Variants in GFOD1 observed in about 807,000 individuals in gnomAD.
GFOD1 encodes the protein glucose-fructose oxidoreductase domain-containing protein 1.
A neutral mutation model predicts 25.4 loss-of-function variants in GFOD1; 9 were observed. The observed-to-expected ratio is 0.35, with a 90% confidence interval of 0.21 to 0.62. The LOEUF (loss-of-function observed/expected upper bound fraction) is 0.62. Among genes scored for constraint, GFOD1 ranks in the 20% least tolerant of loss-of-function variants. The probability of loss-of-function intolerance (pLI) is 0.72; values close to 1 mark genes in which losing one functional copy is unlikely to be tolerated. For synonymous variants in GFOD1, 253 were observed against 245.6 expected, an observed-to-expected ratio of 1.03 and a Z score of -0.28; for missense variants, 403 against 556.9, an observed-to-expected ratio of 0.72 and a Z score of 2.78.
At chr6:13,426,103 A>G (rs1430613651) in intron 1 of GFOD1, among the ~76,000 whole-genome samples, 1 of 152,204 alleles carries the variant, frequency 6.6e-6, no homozygotes, top group African/African-American at 2.4e-5. Context: ...AGGGCACACG[A>G]TGCGAGATGC....
chr6:13,428,650 C>T (rs1757688433), intron 1 of GFOD1, among the ~76,000 whole-genome samples: 1 of 151,614 alleles, frequency 6.6e-6, no homozygotes, highest in Non-Finnish European at 1.5e-5. Flanking sequence ...TCTCCAGCTT[C>T]TCTACCCAAA....
chr6:13,459,548 A>G (rs1277645794), intron 1 of GFOD1, among the ~76,000 whole-genome samples: 1 of 152,142 alleles, frequency 6.6e-6, no homozygotes. Flanking sequence ...AGCAAAAGAA[A>G]CTATCATCAG....
At chr6:13,458,674 A>T (rs889364671) in intron 1 of GFOD1, among the ~76,000 whole-genome samples, 1 of 150,664 alleles carries the variant, frequency 6.6e-6, no homozygotes, top group Non-Finnish European at 1.5e-5. Flanking sequence ...TTAGAGGGAC[A>T]AAAATATGCT....
chr6:13,454,216 C>A (rs1052909931), intron 1 of GFOD1, among the ~76,000 whole-genome samples: 1 of 152,162 alleles, frequency 6.6e-6, no homozygotes, highest in East Asian at 1.9e-4. Flanking sequence ...CCCTCACAGC[C>A]CTCAGAAGGA....
intron 1 of GFOD1, among the ~76,000 whole-genome samples, chr6:13,439,769 T>TA (rs1757886165): frequency 6.6e-6 from 1 of 152,220 alleles, no homozygotes; most frequent in Non-Finnish European, 1.5e-5. Flanking sequence ...TTTCAAGTCT[T>TA]AAACAGTGGC....
chr6:13,396,323 AGCTAACAATTGG>A (rs1785729663), intron 1 of GFOD1, among the ~76,000 whole-genome samples: 1 of 152,202 alleles, frequency 6.6e-6, no homozygotes, highest in Non-Finnish European at 1.5e-5. Context: ...AGGTTAACAG[AGCTAACAATTGG>A]GTCAGGATTT....
chr6:13,434,489 A>G (rs1221076967), intron 1 of GFOD1, among the ~76,000 whole-genome samples: 2 of 151,984 alleles, frequency 1.3e-5, no homozygotes, highest in African/African-American at 2.4e-5. Flanking sequence ...TTATGGGAAC[A>G]CAGAAATCAA....
intron 1 of GFOD1, among the ~76,000 whole-genome samples, chr6:13,369,971 A>G (rs1689468104): frequency 6.6e-6 from 1 of 151,984 alleles, no homozygotes; most frequent in African/African-American, 2.4e-5. Context: ...ACATTTTTCC[A>G]TATTTTCTAA....
chr6:13,380,194 C>T (rs779356339), intron 1 of GFOD1, among the ~76,000 whole-genome samples: 2 of 152,176 alleles, frequency 1.3e-5, no homozygotes, highest in African/African-American at 2.4e-5. Flanking sequence ...TCAAAAGCTA[C>T]GTGGGTTCTA....
chr6:13,410,577 G>GGAGAGAGAGAGA (rs10530261), intron 1 of GFOD1, among the ~76,000 whole-genome samples: 2,358 of 127,652 alleles, frequency 0.018, 53 homozygotes, highest in Non-Finnish European at 0.023. Flanking sequence ...AAGAAAGAAA[G>GGAGAGAGAGAGA]GAGAGAGAGA....
At chr6:13,439,082 C>T (rs1050927144) in intron 1 of GFOD1, among the ~76,000 whole-genome samples, 2 of 152,134 alleles carry the variant, frequency 1.3e-5, no homozygotes, top group African/African-American at 4.8e-5. Context: ...CAGGGATTAA[C>T]TGGTCTAGAT....
intron 1 of GFOD1, among the ~76,000 whole-genome samples, chr6:13,431,576 C>T (rs1262294875): frequency 2.0e-5 from 3 of 152,202 alleles, no homozygotes; most frequent in East Asian, 1.9e-4. Context: ...GCCCTTTTAG[C>T]TACAGAGCTT....
intron 1 of GFOD1, among the ~76,000 whole-genome samples, chr6:13,379,178 T>C (rs961579758): frequency 1.8e-4 from 28 of 152,126 alleles, no homozygotes; most frequent in African/African-American, 6.3e-4. Context: ...AGTGCAATAA[T>C]TGAGTGTTTG....
At chr6:13,375,877 T>A (rs1156484693) in intron 1 of GFOD1, among the ~76,000 whole-genome samples, 1 of 152,216 alleles carries the variant, frequency 6.6e-6, no homozygotes, top group Non-Finnish European at 1.5e-5. Flanking sequence ...TGAAACACTT[T>A]CGAATTTCTG....
In GFOD1 at chr6:13,362,389, G is replaced by T. The variant is rs1784960324; in HGVS notation, c.*2354C>A. ...AGACAGGAGAATCGCTTGAACCTGG[G>T]AGGCAGAGGTTGCAGTGAGCTGAGA... On this transcript the variant is annotated 3_prime_UTR_variant, in exon 2 of 2. Coordinates refer to ENST00000379287, the MANE Select transcript of GFOD1 (RefSeq NM_018988.4). 6.6e-6 allele frequency: 1 copy of T among 151,330 alleles called. No homozygotes were observed. 9.4% of individuals were successfully genotyped at this position (151,330 alleles called of 1,614,324 possible). A position where few individuals can be genotyped will look rare whatever the true frequency, so the allele number is the denominator to read the frequency against.
At chr6:13,478,662 G>A (rs568700917) in intron 1 of GFOD1, among the ~76,000 whole-genome samples, 4 of 152,320 alleles carry the variant, frequency 2.6e-5, no homozygotes, top group Non-Finnish European at 5.9e-5. Context: ...AGCTGGGTGC[G>A]GGGGCAGGGC....
rs1784975996 is a variant in GFOD1 at position 13,363,312 on chromosome 6, C to T, written c.*1431G>A. Reference sequence around the variant, plus strand: ...CCAGCCTGCAGTTCAGCATCTCTAACAAAACTCTGTAAGCAGAGTGTGCAA... The same window carrying T: ...CCAGCCTGCAGTTCAGCATCTCTAATAAAACTCTGTAAGCAGAGTGTGCAA... On this transcript the variant is annotated 3_prime_UTR_variant, in exon 2 of 2. Coordinates refer to ENST00000379287, the MANE Select transcript of GFOD1 (RefSeq NM_018988.4). 1 of 152,008 alleles carries T rather than the reference C, an allele frequency of 6.6e-6. No homozygotes were observed. Among genetic ancestry groups the T allele is most frequent in the Non-Finnish European group, 1.5e-5 (1 of 68,022 alleles). 9.4% of individuals were successfully genotyped at this position (152,008 alleles called of 1,614,324 possible). A position where few individuals can be genotyped will look rare whatever the true frequency, so the allele number is the denominator to read the frequency against.
chr6:13,485,532 C>G (rs1758845101), intron 1 of GFOD1, among the ~76,000 whole-genome samples: 1 of 152,016 alleles, frequency 6.6e-6, no homozygotes. Flanking sequence ...TGCTCATTTT[C>G]TTGGAATTGT....
Position 13,430,307 on chromosome 6 carries a change from C to T in GFOD1, c.253+56331G>A, listed in dbSNP as rs1202721208. On this transcript the variant is annotated intron_variant, in intron 1 of 1. Transcript: ENST00000379287. The surrounding 1 kb of genome is among the most constrained non-coding windows in gnomAD (Gnocchi z 4.1). ...CAAAAATTAGCCGGGCATGGTGGCA[C>T]ACATCTATAATCCCAGCTACTTGGG... Among the ~76,000 whole-genome samples, 2 of 152,032 alleles carry T rather than the reference C, an allele frequency of 1.3e-5. No homozygotes were observed. Among genetic ancestry groups the T allele is most frequent in the Admixed American group, 6.6e-5 (1 of 15,256 alleles).
Sources: allele counts gnomAD v4.1 joint callset (sites outside exome capture counted in the v4.1 genomes callset), GRCh38; gene constraint gnomAD v4.1.1; non-coding constraint Gnocchi (gnomAD v3.1); transcripts MANE v1.5; gene names NCBI Gene and HGNC (gene_info 2026-07-23, HGNC 2026-07-21).